ENTREP2: variants seen among roughly 807,000 people sequenced by gnomAD.
The protein encoded by ENTREP2 is endosomal transmembrane epsin interactor 2.
At chr15:29,594,242 G>A in the ENTREP2 span, among the ~76,000 whole-genome samples, 9 of 152,248 alleles carry the variant, frequency 5.9e-5, no homozygotes, top group East Asian at 1.5e-3. Flanking sequence ...CATCACTCTT[G>A]GGACAAGCCA....
chr15:29,465,081 G>A, the ENTREP2 span, among the ~76,000 whole-genome samples: 8 of 152,036 alleles, frequency 5.3e-5, no homozygotes, highest in Non-Finnish European at 1.0e-4. Context: ...GTGACGATGC[G>A]GTTGGGAGCT....
At chr15:29,635,270 A>C in the ENTREP2 span, among the ~76,000 whole-genome samples, 1 of 152,166 alleles carries the variant, frequency 6.6e-6, no homozygotes, top group South Asian at 2.1e-4. Context: ...TGTTGCTCGT[A>C]ACCAGCCCCA....
chr15:29,617,235 T>C, the ENTREP2 span, among the ~76,000 whole-genome samples: 10 of 151,980 alleles, frequency 6.6e-5, no homozygotes, highest in Non-Finnish European at 1.2e-4. Context: ...GAGCTTATGG[T>C]GTAAGTCCTG....
At chr15:29,325,735 T>G in the ENTREP2 span, among the ~76,000 whole-genome samples, 4 of 152,162 alleles carry the variant, frequency 2.6e-5, no homozygotes, top group Non-Finnish European at 5.9e-5. Context: ...AGGGAACGCT[T>G]CCTAATTTAT....
the ENTREP2 span, among the ~76,000 whole-genome samples, chr15:29,667,091 T>A: frequency 6.6e-6 from 1 of 152,196 alleles, no homozygotes; most frequent in African/African-American, 2.4e-5. Context: ...CATGACCTCA[T>A]GTTAACTTGA....
the ENTREP2 span, among the ~76,000 whole-genome samples, chr15:29,603,333 C>T: frequency 0.065 from 9,952 of 152,220 alleles, 472 homozygotes; most frequent in African/African-American, 0.12. Flanking sequence ...TGTTAGAACA[C>T]GAATTCTCAG....
At chr15:29,643,732 G>A in the ENTREP2 span, among the ~76,000 whole-genome samples, 1,022 of 149,094 alleles carry the variant, frequency 6.9e-3, 18 homozygotes, top group African/African-American at 0.024. Context: ...AGTGAGCCAA[G>A]ATGGGGCCAC....
the ENTREP2 span, among the ~76,000 whole-genome samples, chr15:29,577,998 A>G: frequency 6.6e-6 from 1 of 152,144 alleles, no homozygotes; most frequent in African/African-American, 2.4e-5. Context: ...GTTCCTGGAG[A>G]TGGTTGGTGG....
At chr15:29,269,612 C>A in the ENTREP2 span, 1 of 1,563,670 alleles carries the variant, frequency 6.4e-7, no homozygotes, top group Non-Finnish European at 8.6e-7. Context: ...TCTTCCCCGG[C>A]CCGCGAAGCC....
chr15:29,402,360 G>A, the ENTREP2 span, among the ~76,000 whole-genome samples: 1 of 151,418 alleles, frequency 6.6e-6, no homozygotes. Context: ...CTGTAGCCCA[G>A]GCTAGAATGC....
chr15:29,595,042 T>C, the ENTREP2 span, among the ~76,000 whole-genome samples: 1 of 118,402 alleles, frequency 8.4e-6, no homozygotes, highest in Non-Finnish European at 1.6e-5. Flanking sequence ...CACTCCAGAC[T>C]GGGCGACAGA....
the ENTREP2 span, among the ~76,000 whole-genome samples, chr15:29,244,013 C>G: frequency 6.6e-6 from 1 of 152,222 alleles, no homozygotes; most frequent in South Asian, 2.1e-4. Context: ...TGTAGGTTAT[C>G]TCATTTCTGA....
the ENTREP2 span, among the ~76,000 whole-genome samples, chr15:29,631,415 G>C: frequency 4.0e-3 from 607 of 152,240 alleles, 3 homozygotes; most frequent in African/African-American, 0.014. Flanking sequence ...CAGTTTCCCC[G>C]TTTAGACTTA....
the ENTREP2 span, among the ~76,000 whole-genome samples, chr15:29,598,862 A>G: frequency 2.6e-5 from 4 of 152,006 alleles, no homozygotes; most frequent in Admixed American, 6.6e-5. Context: ...GCGCCCAGCT[A>G]ATTTTTTGTA....
chr15:29,609,249 T>C, the ENTREP2 span, among the ~76,000 whole-genome samples: 4,682 of 150,430 alleles, frequency 0.031, 305 homozygotes, highest in Middle Eastern at 0.069. Context: ...GTTTATTCTT[T>C]ATAACAGGGG....
chr15:29,631,915 T>C, the ENTREP2 span, among the ~76,000 whole-genome samples: 1 of 152,202 alleles, frequency 6.6e-6, no homozygotes, highest in Non-Finnish European at 1.5e-5. Context: ...CTGCTGCTGC[T>C]GGGCGGGGCA....
chr15:29,560,578 G>A, the ENTREP2 span, among the ~76,000 whole-genome samples: 2 of 151,998 alleles, frequency 1.3e-5, no homozygotes, highest in African/African-American at 4.8e-5. Flanking sequence ...TCATTCCCAG[G>A]GAGCATGGCC....
At chr15:29,552,252 T>C in the ENTREP2 span, among the ~76,000 whole-genome samples, 1 of 152,124 alleles carries the variant, frequency 6.6e-6, no homozygotes, top group Admixed American at 6.5e-5. Context: ...GAAGGGGAAA[T>C]GTGATAATTT....
chr15:29,329,632 C>T, the ENTREP2 span, among the ~76,000 whole-genome samples: 1 of 152,080 alleles, frequency 6.6e-6, no homozygotes, highest in African/African-American at 2.4e-5. Context: ...GAGAAATGGC[C>T]AATTTGCCCA....
Sources: allele counts gnomAD v4.1 joint callset (sites outside exome capture counted in the v4.1 genomes callset), GRCh38; gene constraint gnomAD v4.1.1; transcripts MANE v1.5; gene names NCBI Gene and HGNC (gene_info 2026-07-23, HGNC 2026-07-21).